The following NRCAM variants were observed in gnomAD, a reference collection of about 807,000 sequenced individuals.
NRCAM encodes NgCAM-related cell adhesion molecule.
In NRCAM, 83 loss-of-function variants were observed where a neutral mutation model predicts 156.5. That is an observed-to-expected ratio of 0.53 (90% confidence interval 0.44 to 0.64). The LOEUF (loss-of-function observed/expected upper bound fraction) is 0.64, where lower values mean the gene tolerates loss of function less well. Among genes scored for constraint, NRCAM ranks in the 30% least tolerant of loss-of-function variants. The pLI is 0.00. For synonymous variants in NRCAM, 538 were observed against 563.9 expected (o/e 0.95, Z 0.65); for missense variants, 1,417 against 1,597.3 (o/e 0.89, Z 1.92).
chr7:108,436,550 G>C (rs1832443372), intron 1 of NRCAM, among the ~76,000 whole-genome samples: 1 of 152,124 alleles, frequency 6.6e-6, no homozygotes, highest in Non-Finnish European at 1.5e-5. Context: ...TGCATTTATT[G>C]AAGCAAGGTC....
chr7:108,223,097 T>A (rs2153686416), intron 11 of NRCAM, among the ~76,000 whole-genome samples: 1 of 152,296 alleles, frequency 6.6e-6, no homozygotes, highest in East Asian at 1.9e-4. Flanking sequence ...AGGCAGGCCC[T>A]GTGCATGATG....
intron 2 of NRCAM, among the ~76,000 whole-genome samples, chr7:108,315,449 C>T (rs980678484): frequency 2.0e-5 from 3 of 152,202 alleles, no homozygotes; most frequent in Non-Finnish European, 4.4e-5. Flanking sequence ...AAGCCAAAAT[C>T]ATCTTGAAAC....
chr7:108,333,227 T>A (rs962394145), intron 2 of NRCAM, among the ~76,000 whole-genome samples: 1 of 152,302 alleles, frequency 6.6e-6, no homozygotes, highest in African/African-American at 2.4e-5. Context: ...TGTGTTCAAG[T>A]ACTGAGGTAA....
At chr7:108,360,423 G>A (rs551335914) in intron 2 of NRCAM, among the ~76,000 whole-genome samples, 163 of 152,256 alleles carry the variant, frequency 1.1e-3, no homozygotes, top group Non-Finnish European at 1.2e-3. Flanking sequence ...AACATGACCC[G>A]GGGTTGCAGG....
Position 108,231,049 on chromosome 7 carries a change from T to G in NRCAM, c.532A>C (p.Ile178Leu). The part of the protein sequence containing the change: ...RPPIGLPPPI[I>L]FWMDNSFQRL... Reference sequence around the variant, plus strand: ...AACTTACAATTATCCATCCAAAATATTATAGGTGGTGGTAATCCAATTGGG... The same window carrying G: ...AACTTACAATTATCCATCCAAAATAGTATAGGTGGTGGTAATCCAATTGGG... Residue 178 changes from isoleucine (I) to leucine (L), a missense_variant, in exon 8 of 33, where the codon ATA becomes CTA. By Grantham distance (5) the Ile-to-Leu change is conservative (BLOSUM62 2). Coordinates refer to ENST00000379028, the MANE Select transcript of NRCAM (RefSeq NM_001037132.4). 6.2e-7 allele frequency: 1 copy of G among 1,605,920 alleles called. No individual in the cohort carries two copies. The highest frequency in any genetic ancestry group is 8.5e-7 in the Non-Finnish European group (1 of 1,174,010).
At chr7:108,342,112 G>C (rs952009184) in intron 2 of NRCAM, among the ~76,000 whole-genome samples, 10 of 152,158 alleles carry the variant, frequency 6.6e-5, no homozygotes, top group African/African-American at 2.4e-4. Flanking sequence ...TATTTGGCCA[G>C]ACATTAGCCC....
intron 1 of NRCAM, among the ~76,000 whole-genome samples, chr7:108,404,116 C>A (rs985215438): frequency 9.9e-5 from 15 of 152,258 alleles, no homozygotes; most frequent in African/African-American, 2.9e-4. Flanking sequence ...TGGTCCTCTC[C>A]AGGCTGACTC....
At chr7:108,351,690 A>G (rs2099413650) in intron 2 of NRCAM, among the ~76,000 whole-genome samples, 1 of 152,220 alleles carries the variant, frequency 6.6e-6, no homozygotes, top group Admixed American at 6.5e-5. Context: ...ACAGCCTTAA[A>G]TAATTAACTA....
In NRCAM at chr7:108,178,044, G is replaced by C. The variant is rs2061620278; in HGVS notation, c.2920C>G (p.Pro974Ala). Reference protein sequence around the residue: ...TLDSLTLEWDPPSHPNGILTE... With the variant: ...TLDSLTLEWDAPSHPNGILTE... ...AAAATGCCATTCGGGTGGCTCGGTG[G>C]ATCCCATTCCAAAGTGAGAGAGTCC... Residue 974 changes from proline to alanine, a missense_variant, in exon 26 of 33, where the codon CCA (proline) becomes GCA (alanine). Pro to Ala is a conservative substitution (Grantham distance 27, BLOSUM62 -1). Coordinates refer to ENST00000379028, the MANE Select transcript of NRCAM (RefSeq NM_001037132.4). The C allele has an allele frequency of 6.2e-7, 1 of 1,613,660 alleles. No homozygotes were observed. Among genetic ancestry groups the C allele is most frequent in the Non-Finnish European group, 8.5e-7 (1 of 1,179,698 alleles).
chr7:108,362,850 A>C (rs898293363), intron 2 of NRCAM, among the ~76,000 whole-genome samples: 2 of 152,200 alleles, frequency 1.3e-5, no homozygotes, highest in Non-Finnish European at 2.9e-5. Context: ...CTGAAAAAAA[A>C]CTAGTAGCAG....
chr7:108,373,174 G>A (rs2099640113), intron 2 of NRCAM, among the ~76,000 whole-genome samples: 1 of 152,088 alleles, frequency 6.6e-6, no homozygotes, highest in East Asian at 1.9e-4. Context: ...GAGTACAATG[G>A]CGATTGCCAA....
At chr7:108,224,738 A>T (rs1234380919) in intron 10 of NRCAM, among the ~76,000 whole-genome samples, 3 of 152,320 alleles carry the variant, frequency 2.0e-5, no homozygotes, top group African/African-American at 7.2e-5. Flanking sequence ...GCCAGAAGAT[A>T]TATTACTTGA....
intron 11 of NRCAM, among the ~76,000 whole-genome samples, chr7:108,209,817 A>G (rs1002396320): frequency 1.3e-5 from 2 of 152,246 alleles, no homozygotes; most frequent in Non-Finnish European, 2.9e-5. Context: ...GGCACACCAT[A>G]AACTTCGATG....
At chr7:108,208,520 TTC>T (rs1429756288) in intron 12 of NRCAM, among the ~76,000 whole-genome samples, 1 of 152,164 alleles carries the variant, frequency 6.6e-6, no homozygotes, top group Non-Finnish European at 1.5e-5. Flanking sequence ...AAACTACACA[TTC>T]TGTTAGGATT....
At chr7:108,194,502 C>A in intron 15 of NRCAM, 74 bp from the exon 16 acceptor site, 2 of 981,452 alleles carry the variant, frequency 2.0e-6, no homozygotes, top group South Asian at 1.7e-5. Flanking sequence ...ATGCCATGTT[C>A]AAGGTCAACA....
chr7:108,449,520 G>A (rs184870876), intron 1 of NRCAM, among the ~76,000 whole-genome samples: 1 of 152,228 alleles, frequency 6.6e-6, no homozygotes, highest in Admixed American at 6.5e-5. Context: ...GGACTCGCTC[G>A]CAAGCCATCC....
At chr7:108,317,920 A>AAAAG (rs1023350771) in intron 2 of NRCAM, among the ~76,000 whole-genome samples, 4 of 151,596 alleles carry the variant, frequency 2.6e-5, no homozygotes, top group East Asian at 3.9e-4. Flanking sequence ...GAAAAAAAAA[A>AAAAG]AAAGAAAGAA....
At chr7:108,163,711 T>C (rs2050970693) in intron 30 of NRCAM, among the ~76,000 whole-genome samples, 1 of 149,002 alleles carries the variant, frequency 6.7e-6, no homozygotes, top group Non-Finnish European at 1.5e-5. Flanking sequence ...CCAGATGGGG[T>C]GGCACTAAAG....
rs2039881667 is a variant in NRCAM at position 108,148,609 on chromosome 7, G to T, written c.*1301C>A. 6.6e-6 allele frequency: 1 copy of T among 152,616 alleles called. No individual in the cohort carries two copies. The highest frequency in any genetic ancestry group is 6.5e-5 in the Admixed American group (1 of 15,282). The allele number at this position is 152,616 out of a possible 1,614,324, so 9.5% of individuals were successfully genotyped here. A position where few individuals can be genotyped will look rare whatever the true frequency, so the allele number is the denominator to read the frequency against. ...TGGACCGTTGGCCTTTTAAGCACTT[G>T]CCTGATTTCTTAGATTCTGAAATGT... On this transcript the variant is annotated 3_prime_UTR_variant, in exon 33 of 33. Coordinates refer to ENST00000379028, the MANE Select transcript of NRCAM (RefSeq NM_001037132.4).
Sources: allele counts gnomAD v4.1 joint callset (sites outside exome capture counted in the v4.1 genomes callset), GRCh38; gene constraint gnomAD v4.1.1; transcripts MANE v1.5; gene names NCBI Gene and HGNC (gene_info 2026-07-23, HGNC 2026-07-21).